The following DNAH14 variants were observed in gnomAD, a reference collection of about 807,000 sequenced individuals.
DNAH14 encodes the protein axonemal beta dynein heavy chain 14.
Under a neutral mutation model 520.9 loss-of-function variants are expected in DNAH14, and 478 were observed. The ratio of observed to expected loss-of-function variants is 0.92; its 90% confidence interval spans 0.85 to 0.99. DNAH14 has a LOEUF of 0.99. Ranked by LOEUF, DNAH14 falls within the 50% of genes least tolerant of loss-of-function variation. DNAH14 has a pLI of 0.00. For missense variants in DNAH14, 4,831 were observed against 5,234.5 expected, an observed-to-expected ratio of 0.92 and a Z score of 2.38; for synonymous variants, 1,581 against 1,757.2, an observed-to-expected ratio of 0.90 and a Z score of 2.51.
At chr1:225,272,218 T>C in intron 51 of DNAH14, 145 bp downstream of exon 51, 1 of 746,928 alleles carries the variant, frequency 1.3e-6, no homozygotes, top group South Asian at 2.0e-5. Context: ...CATGAGTTAG[T>C]TGAAGAAAAA....
At chr1:225,392,269 T>A in intron 83 of DNAH14, 22 bp from the exon 84 acceptor site, 1 of 1,551,822 alleles carries the variant, frequency 6.4e-7, no homozygotes. Context: ...AGGAACTTGA[T>A]GGTGTGTGTT....
intron 16 of DNAH14, among the ~76,000 whole-genome samples, chr1:225,051,189 T>G (rs1033332505): frequency 6.6e-6 from 1 of 152,200 alleles, no homozygotes; most frequent in Non-Finnish European, 1.5e-5. Context: ...GATTGGTGTT[T>G]CCAGTACATG....
intron 69 of DNAH14, among the ~76,000 whole-genome samples, chr1:225,342,373 G>C (rs565651639): frequency 9.9e-5 from 15 of 152,186 alleles, no homozygotes; most frequent in Non-Finnish European, 1.6e-4. Context: ...CACTGAATGA[G>C]CAATCAAAAT....
chr1:225,367,818 C>T lies in DNAH14; in HGVS notation c.12104C>T (p.Ser4035Phe), dbSNP rs1186434505. ...LKKGLKIAVE[S>F]PQGLKSNLLQ... ...TCTGTTTTCAAGATTGCCGTGGAAT[C>T]TCCCCAGGGATTGAAAAGTAACTTA... Residue 4035 changes from serine (S) to phenylalanine (F), a missense_variant, in exon 77 of 86, where the codon TCT becomes TTT. Coordinates refer to ENST00000682510, the MANE Select transcript of DNAH14 (RefSeq NM_001367479.1). 1.3e-6 allele frequency: 2 copies of T among 1,550,954 alleles called. No homozygotes were observed. The highest frequency in any genetic ancestry group is 1.7e-6 in the Non-Finnish European group (2 of 1,146,428).
At chr1:225,146,326 CACTT>C (rs1325851481) in intron 30 of DNAH14, among the ~76,000 whole-genome samples, 1 of 152,182 alleles carries the variant, frequency 6.6e-6, no homozygotes, top group African/African-American at 2.4e-5. Flanking sequence ...CTGAGGCTCT[CACTT>C]ACTCATTCCG....
At chr1:225,266,880 T>G in intron 49 of DNAH14, 111 bp downstream of exon 49, 64 of 1,000,926 alleles carry the variant, frequency 6.4e-5, no homozygotes, top group Non-Finnish European at 8.0e-5. Context: ...ATTCTGGCCA[T>G]ATGGACATGT....
intron 39 of DNAH14, among the ~76,000 whole-genome samples, chr1:225,204,844 A>G (rs567355768): frequency 5.3e-5 from 8 of 152,274 alleles, no homozygotes; most frequent in African/African-American, 1.9e-4. Flanking sequence ...CAGACTTTAA[A>G]AGAGATTTCT....
At position 224,964,384 on chromosome 1, in the gene DNAH14, T is replaced by TG. The variant is rs1572093885; in HGVS notation, c.368-95_368-94insG. ...TGTATACTTTGTTACCATTTAAATT[T>TG]TTCTCTATATAGAAATATTTGTAAT... is the stretch of plus-strand genomic sequence containing the variant. On this transcript the variant is annotated intron_variant, in intron 4 of 85. Coordinates refer to ENST00000682510, the MANE Select transcript of DNAH14 (RefSeq NM_001367479.1). 6.9e-6 allele frequency: 9 copies of TG among 1,300,626 alleles called. No individual in the cohort carries two copies. The East Asian group carries it at 2.6e-4, about 38-fold the overall frequency. 80.6% of individuals were successfully genotyped at this position (1,300,626 alleles called of 1,614,324 possible). A position where few individuals can be genotyped will look rare whatever the true frequency, so the allele number is the denominator to read the frequency against.
chr1:225,392,493 T>A lies in DNAH14; in HGVS notation c.13491+42T>A, dbSNP rs1350987207. On this transcript the variant is annotated intron_variant, in intron 84 of 85. Transcript: ENST00000682510. ...AGGATTAGAAACGGTGATCATTCAT[T>A]CATTCATTTATTCATTCAATCAATT... 9.1e-6 allele frequency: 14 copies of A among 1,546,642 alleles called. No individual in the cohort carries two copies. The South Asian group carries it at 1.7e-4, about 19-fold the overall frequency.
At position 224,964,621 on chromosome 1, in the gene DNAH14, T is replaced by C. The variant is rs1333859484; in HGVS notation, c.498+12T>C. On this transcript the variant is annotated intron_variant, in intron 5 of 85. Coordinates refer to ENST00000682510, the MANE Select transcript of DNAH14 (RefSeq NM_001367479.1). Reference sequence around the variant, plus strand: ...AGATTACTTTAAAGGTATTGTTCTATTTTATTTAATTTTGATCTTTAAAAA... The same window carrying C: ...AGATTACTTTAAAGGTATTGTTCTACTTTATTTAATTTTGATCTTTAAAAA... The C allele has an allele frequency of 6.6e-7, 1 of 1,514,832 alleles. No individual in the cohort carries two copies. The highest frequency in any genetic ancestry group is 1.4e-5 in the African/African-American group (1 of 71,712). The allele number at this position is 1,514,832 out of a possible 1,614,324, so 93.8% of individuals were successfully genotyped here.
At position 225,057,207 on chromosome 1, in the gene DNAH14, T is replaced by A. The variant is rs556331756; in HGVS notation, c.2424+5412T>A. On this transcript the variant is annotated intron_variant, in intron 17 of 85. Coordinates refer to ENST00000682510, the MANE Select transcript of DNAH14 (RefSeq NM_001367479.1). Reference sequence around the variant, plus strand: ...TTTGTTTGTATCCTCTTTTATTTCATTGAGCAGTGGTTTGTAGTTCTCCTT... The same window carrying A: ...TTTGTTTGTATCCTCTTTTATTTCAATGAGCAGTGGTTTGTAGTTCTCCTT... Among the ~76,000 whole-genome samples the A allele has an allele frequency of 3.3e-5, 5 of 152,364 alleles. No individual in the cohort carries two copies. In the South Asian group the frequency reaches 1.0e-3, roughly 32 times the overall value.
chr1:225,238,773 TC>T (rs2091779041), intron 42 of DNAH14, among the ~76,000 whole-genome samples: 1 of 151,310 alleles, frequency 6.6e-6, no homozygotes, highest in African/African-American at 2.4e-5. Flanking sequence ...AGGAGCTCCA[TC>T]CCAGGGAGAG....
chr1:225,142,124 T>C (rs936696082), intron 28 of DNAH14, among the ~76,000 whole-genome samples: 1 of 152,214 alleles, frequency 6.6e-6, no homozygotes, highest in Non-Finnish European at 1.5e-5. Context: ...TATATTGTAT[T>C]AATGAACCAT....
intron 10 of DNAH14, among the ~76,000 whole-genome samples, chr1:225,020,517 C>A (rs2456345): frequency 0.9 from 114,266 of 126,690 alleles, 52,738 homozygotes; most frequent in South Asian, 0.99. Context: ...AAAAAAAAAA[C>A]AACTCAAAGG....
chr1:224,973,438 G>A (rs1441838627), intron 7 of DNAH14, among the ~76,000 whole-genome samples: 2 of 152,182 alleles, frequency 1.3e-5, no homozygotes, highest in Admixed American at 6.5e-5. Flanking sequence ...GAGTGATTGT[G>A]ATATTGCATT....
At chr1:225,229,845 C>T (rs1397190055) in intron 41 of DNAH14, among the ~76,000 whole-genome samples, 1 of 151,976 alleles carries the variant, frequency 6.6e-6, no homozygotes, top group South Asian at 2.1e-4. Flanking sequence ...CAGCACACCA[C>T]CATGGTACAT....
intron 72 of DNAH14, 66 bp downstream of exon 72, chr1:225,351,949 G>C (rs2095370726): frequency 3.1e-6 from 4 of 1,303,050 alleles, no homozygotes; most frequent in Non-Finnish European, 4.2e-6. Context: ...TTTTCAATTT[G>C]TAAATGTCGT....
intron 81 of DNAH14, among the ~76,000 whole-genome samples, chr1:225,385,327 G>T (rs1383420886): frequency 6.6e-6 from 1 of 152,184 alleles, no homozygotes; most frequent in Non-Finnish European, 1.5e-5. Flanking sequence ...ACAAGACAGG[G>T]ATGCCCTCTC....
intron 27 of DNAH14, 83 bp from the exon 28 acceptor site, chr1:225,140,681 ACATC>A (rs757039869): frequency 4.7e-6 from 5 of 1,074,918 alleles, no homozygotes; most frequent in Admixed American, 2.9e-5. Context: ...CTTTATGAAA[ACATC>A]CATTTTAATT....
Sources: allele counts gnomAD v4.1 joint callset (sites outside exome capture counted in the v4.1 genomes callset), GRCh38; gene constraint gnomAD v4.1.1; transcripts MANE v1.5; gene names NCBI Gene and HGNC (gene_info 2026-07-23, HGNC 2026-07-21).